GHRHR: variants seen among roughly 807,000 people sequenced by gnomAD.
The protein encoded by GHRHR is growth hormone-releasing hormone receptor.
In GHRHR, 40 loss-of-function variants were observed where a neutral mutation model predicts 58.3. That is an observed-to-expected ratio of 0.69 (90% confidence interval 0.53 to 0.89). The LOEUF is 0.89. Ranked by LOEUF, GHRHR falls within the 40% of genes least tolerant of loss-of-function variation. The pLI is 0.00. For missense variants in GHRHR, 551 were observed against 541.3 expected, an observed-to-expected ratio of 1.02 and a Z score of -0.18; for synonymous variants, 249 against 216.6, an observed-to-expected ratio of 1.15 and a Z score of -1.31.
chr7:30,978,412 G>C (rs1387100096), intron 12 of GHRHR, among the ~76,000 whole-genome samples: 1 of 152,144 alleles, frequency 6.6e-6, no homozygotes, highest in African/African-American at 2.4e-5. Context: ...CATACCTCTG[G>C]TGACAGTGAG....
Position 30,979,487 on chromosome 7 carries a change from T to C in GHRHR, c.*243T>C. 1 of 488,206 alleles carries C rather than the reference T, an allele frequency of 2.0e-6. No homozygotes were observed. Among genetic ancestry groups the C allele is most frequent in the Non-Finnish European group, 3.8e-6 (1 of 263,804 alleles). The allele number at this position is 488,206 out of a possible 1,614,324, so 30.2% of individuals were successfully genotyped here. A position where few individuals can be genotyped will look rare whatever the true frequency, so the allele number is the denominator to read the frequency against. ...CATTCCTCTTACTGGGGCCTGGGGC[T>C]CTAGCCCAAGGCTCAGAGGAGCCAA... is the stretch of plus-strand genomic sequence containing the variant. On this transcript the variant is annotated 3_prime_UTR_variant, in exon 13 of 13. Coordinates refer to ENST00000326139, the MANE Select transcript of GHRHR (RefSeq NM_000823.4).
chr7:30,971,585 C>T (rs560483620), intron 5 of GHRHR, among the ~76,000 whole-genome samples: 25 of 152,162 alleles, frequency 1.6e-4, no homozygotes, highest in Non-Finnish European at 2.8e-4. Flanking sequence ...ACCCCACCCC[C>T]TCCTCCAGCC....
At chr7:30,975,726 A>G (rs1022953673) in intron 9 of GHRHR, 51 bp from the exon 10 acceptor site, 6 of 1,099,044 alleles carry the variant, frequency 5.5e-6, no homozygotes, top group Admixed American at 1.7e-5. Flanking sequence ...CCAGCCACCC[A>G]AGGCTACCCC....
In GHRHR at chr7:30,969,063, G is replaced by A; in HGVS notation, c.161G>A (p.Gly54Asp). 5.1e-6 allele frequency: 8 copies of A among 1,577,990 alleles called. No individual in the cohort carries two copies. Among genetic ancestry groups the A allele is most frequent in the Non-Finnish European group, 6.9e-6 (8 of 1,161,162 alleles). The part of the protein sequence containing the change: ...AAEEMPNTTL[G>D]CPATWDGLLC... ...CTGCTGCTCCTGGCTCTCTATCCAG[G>A]CTGCCCTGCGACCTGGGATGGGCTG... Residue 54 changes from glycine to aspartate, a missense_variant and splice_region_variant, in exon 3 of 13, where the codon GGC (glycine) becomes GAC (aspartate). Physicochemically the swap from Gly to Asp is moderately conservative, Grantham distance 94. Transcript: ENST00000326139.
At chr7:30,964,247 C>T (rs1006230202) in intron 1 of GHRHR, 122 bp downstream of exon 1, 49 of 890,750 alleles carry the variant, frequency 5.5e-5, no homozygotes, top group South Asian at 5.1e-4. Context: ...TCCCTCCCTA[C>T]GAGCAGGTGG....
intron 12 of GHRHR, among the ~76,000 whole-genome samples, chr7:30,978,608 AC>A (rs1792630898): frequency 6.6e-6 from 1 of 151,900 alleles, no homozygotes; most frequent in Admixed American, 6.6e-5. Flanking sequence ...TACAGACAGC[AC>A]CCCCACCCCC....
At chr7:30,975,675 G>C (rs1203965048) in intron 9 of GHRHR, 102 bp from the exon 10 acceptor site, 4 of 750,726 alleles carry the variant, frequency 5.3e-6, no homozygotes, top group Non-Finnish European at 7.4e-6. Flanking sequence ...CACGTCTCAA[G>C]GATTTAAATT....
At chr7:30,977,462 C>G (rs1792612726) in intron 12 of GHRHR, 140 bp downstream of exon 12, 1 of 781,482 alleles carries the variant, frequency 1.3e-6, no homozygotes, top group Admixed American at 1.8e-5. Context: ...GGTAGTCTGT[C>G]CTGAGCTTCT....
chr7:30,969,757 G>A (rs1199300308), intron 3 of GHRHR, 110 bp from the exon 4 acceptor site: 2 of 1,012,774 alleles, frequency 2.0e-6, no homozygotes, highest in African/African-American at 1.6e-5. Context: ...TTGCTCAGAG[G>A]AGCTGTCCAT....
At chr7:30,974,185 G>C in intron 7 of GHRHR, 47 bp downstream of exon 7, 1 of 1,592,708 alleles carries the variant, frequency 6.3e-7, no homozygotes, top group Non-Finnish European at 8.6e-7. Flanking sequence ...TAAAGGGCTG[G>C]AAAGGCCCAG....
chr7:30,974,229 G>C, intron 7 of GHRHR, 91 bp downstream of exon 7: 3 of 1,373,702 alleles, frequency 2.2e-6, no homozygotes, highest in South Asian at 2.4e-5. Context: ...ACCTCACTCT[G>C]AGGCCCAGAG....
At chr7:30,969,023 A>G in intron 2 of GHRHR, 40 bp from the exon 3 acceptor site, 1 of 1,533,582 alleles carries the variant, frequency 6.5e-7, no homozygotes, top group Non-Finnish European at 8.9e-7. Context: ...ACAGCCCTGC[A>G]CCTGGGCTGA....
intron 6 of GHRHR, 122 bp from the exon 7 acceptor site, chr7:30,973,863 G>C (rs1049998705): frequency 3.2e-6 from 3 of 947,788 alleles, no homozygotes; most frequent in Non-Finnish European, 5.1e-6. Context: ...GGCCCAAGGA[G>C]CTGCAGGTCC....
rs1388508517 is a variant in GHRHR at position 30,971,136 on chromosome 7, A to G, written c.384A>G (p.Thr128=). 2.0e-6 allele frequency: 3 copies of G among 1,474,930 alleles called. No individual in the cohort carries two copies. The highest frequency in any genetic ancestry group is 2.0e-5 in the Admixed American group (1 of 51,268). 91.4% of individuals were successfully genotyped at this position (1,474,930 alleles called of 1,614,324 possible). The change falls in exon 5 of 13, where the codon ACA becomes ACG. Residue 128 remains threonine (T), a synonymous_variant. Transcript: ENST00000326139. ...CTTCCCAGGAATCTTACTTCTCCAC[A>G]GTGAAGATTATCTACACCGTGGGCC... is the stretch of plus-strand genomic sequence containing the variant. The part of the protein sequence containing the change: ...LLAEEESYFS[T]VKIIYTVGHS...
chr7:30,971,923 CTGCT>C (rs1175834525), intron 5 of GHRHR, 36 bp from the exon 6 acceptor site: 5 of 1,609,288 alleles, frequency 3.1e-6, no homozygotes, highest in Non-Finnish European at 3.4e-6. Flanking sequence ...TCCCCTCTCC[CTGCT>C]TGCTTCTTGT....
intron 11 of GHRHR, 44 bp from the exon 12 acceptor site, chr7:30,977,237 A>G: frequency 1.9e-6 from 3 of 1,593,508 alleles, no homozygotes; most frequent in Non-Finnish European, 2.6e-6. Context: ...CCTTCAGGCC[A>G]GGCCAAAGGG....
At chr7:30,969,533 T>C in intron 3 of GHRHR, 1 of 600,318 alleles carries the variant, frequency 1.7e-6, no homozygotes. Context: ...CTGCTCTGCT[T>C]CACTTCCCTG....
chr7:30,972,362 A>G (rs1792498071), intron 6 of GHRHR, among the ~76,000 whole-genome samples: 2 of 152,128 alleles, frequency 1.3e-5, no homozygotes, highest in African/African-American at 4.8e-5. Context: ...ACGTTTCACT[A>G]TGCACAGCCT....
chr7:30,971,029 T>C (rs1792469708), intron 4 of GHRHR, 90 bp from the exon 5 acceptor site: 3 of 721,000 alleles, frequency 4.2e-6, no homozygotes, highest in Admixed American at 2.0e-5. Flanking sequence ...TGGGGTGGAA[T>C]GGCAAAGGCT....
Sources: gnomAD v4.1 joint callset for allele counts (sites outside exome capture counted in the v4.1 genomes callset) on GRCh38, gnomAD v4.1.1 for gene constraint, MANE v1.5 for transcripts, NCBI Gene and HGNC (gene_info 2026-07-23, HGNC 2026-07-21) for gene names.